Variants in RIMBP2 observed in about 807,000 individuals in gnomAD.
RIMBP2 encodes the protein RIMS binding protein 2.
In RIMBP2, 48 loss-of-function variants were observed where a neutral mutation model predicts 118.6. That is an observed-to-expected ratio of 0.40 (90% CI 0.32 to 0.51). The LOEUF (loss-of-function observed/expected upper bound fraction) is 0.51. Among genes scored for constraint, RIMBP2 ranks in the 20% least tolerant of loss-of-function variants. RIMBP2 has a pLI of 0.41. For missense variants in RIMBP2, 1,551 were observed against 1,768.3 expected (o/e 0.88, Z 2.20); for synonymous variants, 762 against 742.9 (o/e 1.03, Z -0.42).
intron 6 of RIMBP2, among the ~76,000 whole-genome samples, chr12:130,458,750 CCTAA>C (rs989914669): frequency 1.8e-4 from 28 of 152,182 alleles, no homozygotes; most frequent in African/African-American, 6.3e-4. Context: ...ATGAAAATGA[CCTAA>C]CTAAAATAGG....
Position 130,440,937 on chromosome 12 carries a change from C to T in RIMBP2, c.1504+911G>A, listed in dbSNP as rs533116007. 1.3e-4 allele frequency among the ~76,000 whole-genome samples: 20 copies of T among 152,194 alleles called. 1 individual carries two copies. The highest frequency in any genetic ancestry group is 1.0e-3 in the Admixed American group (16 of 15,294). ...CAGCAGCACTGGGACCCTGGCGAGT[C>T]GGAGAGCAAGAAGACGAAGAAAGTG... is the stretch of plus-strand genomic sequence containing the variant. On this transcript the variant is annotated intron_variant, in intron 11 of 22. Coordinates refer to ENST00000690449, the MANE Select transcript of RIMBP2 (RefSeq NM_001393629.1).
intron 5 of RIMBP2, among the ~76,000 whole-genome samples, chr12:130,471,551 G>A (rs1441335032): frequency 1.3e-5 from 2 of 152,172 alleles, no homozygotes; most frequent in African/African-American, 2.4e-5. Flanking sequence ...AAAGACCCAT[G>A]GAGGCCCCTC....
intron 21 of RIMBP2, among the ~76,000 whole-genome samples, chr12:130,401,640 A>ACAT (rs925237731): frequency 6.6e-5 from 10 of 151,866 alleles, no homozygotes; most frequent in African/African-American, 2.4e-4. Flanking sequence ...TTCTCTGTTG[A>ACAT]CATTACAGAC....
intron 2 of RIMBP2, among the ~76,000 whole-genome samples, chr12:130,551,505 T>C (rs1002296633): frequency 1.2e-4 from 18 of 152,226 alleles, no homozygotes; most frequent in South Asian, 4.1e-4. Flanking sequence ...TTTAAAAATA[T>C]AGAATGCAAA....
intron 1 of RIMBP2, among the ~76,000 whole-genome samples, chr12:130,704,548 C>G (rs894149188): frequency 3.3e-5 from 5 of 152,114 alleles, no homozygotes; most frequent in Non-Finnish European, 5.9e-5. Flanking sequence ...GCACTCCAGC[C>G]TGGGCAACAG....
At chr12:130,702,762 G>T (rs1238711978) in intron 1 of RIMBP2, among the ~76,000 whole-genome samples, 2 of 152,130 alleles carry the variant, frequency 1.3e-5, no homozygotes, top group Non-Finnish European at 2.9e-5. Context: ...GGAATCAGAT[G>T]ATCCTGATCG....
chr12:130,653,103 C>G (rs1293056213), intron 1 of RIMBP2, among the ~76,000 whole-genome samples: 1 of 152,200 alleles, frequency 6.6e-6, no homozygotes, highest in African/African-American at 2.4e-5. Flanking sequence ...ACAATCATGC[C>G]TTCCCAACAG....
chr12:130,709,463 CAGGCTA>C (rs1413168268), intron 1 of RIMBP2, among the ~76,000 whole-genome samples: 1 of 152,232 alleles, frequency 6.6e-6, no homozygotes, highest in Non-Finnish European at 1.5e-5. Context: ...GGGGCAGCTC[CAGGCTA>C]AGGAGTCAAC....
intron 1 of RIMBP2, among the ~76,000 whole-genome samples, chr12:130,651,768 G>A (rs1008005796): frequency 1.3e-5 from 2 of 152,188 alleles, no homozygotes; most frequent in African/African-American, 4.8e-5. Context: ...ATGAATTTGT[G>A]CTTGGAATTT....
intron 1 of RIMBP2, among the ~76,000 whole-genome samples, chr12:130,673,735 G>T (rs540753422): frequency 1.3e-5 from 2 of 152,182 alleles, no homozygotes; most frequent in Non-Finnish European, 2.9e-5. Context: ...GGTGGGAGGT[G>T]CCTGGATCAT....
chr12:130,467,711 C>T (rs1055208657), intron 6 of RIMBP2, among the ~76,000 whole-genome samples: 2 of 152,194 alleles, frequency 1.3e-5, no homozygotes, highest in Non-Finnish European at 2.9e-5. Context: ...CCAGAAGCCC[C>T]CGCTTCAAGT....
At chr12:130,506,913 C>T in intron 3 of RIMBP2, 143 bp from the exon 4 acceptor site, 2 of 581,972 alleles carry the variant, frequency 3.4e-6, no homozygotes, top group Non-Finnish European at 4.3e-6. Context: ...GGACTGGGTC[C>T]ACTCCTACTA....
At chr12:130,457,174 G>A (rs963615531) in intron 6 of RIMBP2, among the ~76,000 whole-genome samples, 3 of 152,206 alleles carry the variant, frequency 2.0e-5, no homozygotes, top group African/African-American at 7.2e-5. Flanking sequence ...GCTGTCCCAT[G>A]GATGCAAGGA....
rs1428676664 is a variant in RIMBP2, at chr12:130,517,862, G to A, written c.-161C>T. On this transcript the variant is annotated 5_prime_UTR_variant, in exon 3 of 23. An upstream open reading frame in the 5' UTR gains an earlier in-frame stop. Coordinates refer to ENST00000690449, the MANE Select transcript of RIMBP2 (RefSeq NM_001393629.1). ...CTGCCGGGCCCTTGTGGGAAGGCCT[G>A]CATGATGGGATCTCAGGAGATACTC... is the stretch of plus-strand genomic sequence containing the variant. 8 of 985,646 alleles carry A rather than the reference G, an allele frequency of 8.1e-6. No individual in the cohort carries two copies. Among genetic ancestry groups the A allele is most frequent in the African/African-American group, 1.7e-5 (1 of 57,216 alleles). The allele number at this position is 985,646 out of a possible 1,614,324, so 61.1% of individuals were successfully genotyped here.
At position 130,447,314 on chromosome 12, in the gene RIMBP2, C is replaced by T. The variant is rs947623261; in HGVS notation, c.582-2045G>A. 8.6e-5 allele frequency among the ~76,000 whole-genome samples: 13 copies of T among 151,636 alleles called. No homozygotes were observed. Among genetic ancestry groups the T allele is most frequent in the Non-Finnish European group, 1.6e-4 (11 of 67,916 alleles). ...AAGAAGTGGGAGATCCTACGGCTGT[C>T]GTGACAACCTCGTCGGTGCTCCTGC... On this transcript the variant is annotated intron_variant, in intron 9 of 22. Coordinates refer to ENST00000690449, the MANE Select transcript of RIMBP2 (RefSeq NM_001393629.1). The surrounding 1 kb of genome is among the most constrained non-coding windows in gnomAD (Gnocchi z 4.4).
At chr12:130,474,111 A>G (rs1242127567) in intron 5 of RIMBP2, among the ~76,000 whole-genome samples, 1 of 152,204 alleles carries the variant, frequency 6.6e-6, no homozygotes, top group Non-Finnish European at 1.5e-5. Flanking sequence ...AACGGAGCGC[A>G]GCCGGACCCC....
chr12:130,528,446 G>T (rs550760794), intron 2 of RIMBP2, among the ~76,000 whole-genome samples: 2 of 152,310 alleles, frequency 1.3e-5, no homozygotes, highest in East Asian at 3.9e-4. Context: ...ACTGGGGCCT[G>T]TTGGAGGTTG....
At chr12:130,631,599 C>A (rs188293116) in intron 1 of RIMBP2, among the ~76,000 whole-genome samples, 1 of 152,058 alleles carries the variant, frequency 6.6e-6, no homozygotes, top group Admixed American at 6.5e-5. Context: ...CAAAACTGCC[C>A]GCTCAAAGCC....
At chr12:130,664,947 C>T (rs896171584) in intron 1 of RIMBP2, among the ~76,000 whole-genome samples, 1 of 151,690 alleles carries the variant, frequency 6.6e-6, no homozygotes, top group African/African-American at 2.4e-5. Flanking sequence ...GCCCCTTGTA[C>T]TAATCAATCA....
Sources: gnomAD v4.1 joint callset for allele counts (sites outside exome capture counted in the v4.1 genomes callset) on GRCh38, gnomAD v4.1.1 for gene constraint, Gnocchi (gnomAD v3.1) non-coding constraint, MANE v1.5 for transcripts, NCBI Gene and HGNC (gene_info 2026-07-23, HGNC 2026-07-21) for gene names.